The following INSYN2B variants were observed in gnomAD, a reference collection of about 807,000 sequenced individuals.
The protein encoded by INSYN2B is protein INSYN2B.
Under a neutral mutation model 41.2 loss-of-function variants are expected in INSYN2B, and 16 were observed. The ratio of observed to expected loss-of-function variants is 0.39; its 90% CI spans 0.26 to 0.59. The LOEUF is 0.59. Ranked by LOEUF, INSYN2B falls within the 20% of genes least tolerant of loss-of-function variation. The pLI, the probability that INSYN2B is intolerant of heterozygous loss-of-function variation, is 0.57. For missense variants in INSYN2B, 608 were observed against 646.4 expected (o/e 0.94, Z 0.64); for synonymous variants, 245 against 244.4 (o/e 1.00, Z -0.02).
At chr5:169,875,243 C>T (rs758819877) in intron 3 of INSYN2B, 1 of 456,686 alleles carries the variant, frequency 2.2e-6, no homozygotes, top group Non-Finnish European at 4.4e-6. Context: ...GCTGCAACTG[C>T]GGATTCCCAT....
chr5:169,874,737 T>G (rs1006730029), intron 3 of INSYN2B, among the ~76,000 whole-genome samples: 2 of 152,150 alleles, frequency 1.3e-5, no homozygotes, highest in Admixed American at 6.5e-5. Context: ...TCAGCCTGGA[T>G]TGCCAATCAG....
chr5:169,976,846 T>C (rs528665081), intron 1 of INSYN2B, among the ~76,000 whole-genome samples: 7 of 152,212 alleles, frequency 4.6e-5, no homozygotes, highest in Non-Finnish European at 1.0e-4. Flanking sequence ...AGATGGAACA[T>C]GTCAGGGCAC....
chr5:169,910,981 A>G (rs929154934), intron 1 of INSYN2B, among the ~76,000 whole-genome samples: 1 of 152,142 alleles, frequency 6.6e-6, no homozygotes, highest in Non-Finnish European at 1.5e-5. Flanking sequence ...AGTGAGAATA[A>G]TAAGTGAAAC....
intron 1 of INSYN2B, among the ~76,000 whole-genome samples, chr5:169,906,557 C>T (rs1258156337): frequency 6.6e-6 from 1 of 152,094 alleles, no homozygotes; most frequent in Non-Finnish European, 1.5e-5. Context: ...GTCTTAAGTT[C>T]CTGGGTTCAA....
chr5:169,937,389 G>C (rs1776042555), intron 1 of INSYN2B, among the ~76,000 whole-genome samples: 1 of 152,154 alleles, frequency 6.6e-6, no homozygotes, highest in East Asian at 1.9e-4. Context: ...CACATCCCTG[G>C]CCTATGATTT....
At chr5:169,972,020 C>T (rs1777524861) in intron 1 of INSYN2B, among the ~76,000 whole-genome samples, 1 of 152,266 alleles carries the variant, frequency 6.6e-6, no homozygotes, top group Admixed American at 6.5e-5. Flanking sequence ...TCCTGCTGAG[C>T]TAGGACTTGG....
At chr5:169,942,462 T>C (rs1375915348) in intron 1 of INSYN2B, among the ~76,000 whole-genome samples, 2 of 152,210 alleles carry the variant, frequency 1.3e-5, no homozygotes, top group African/African-American at 4.8e-5. Context: ...GCCACACAGA[T>C]GTTCAAGTGG....
intron 1 of INSYN2B, among the ~76,000 whole-genome samples, chr5:169,970,995 C>T (rs1416387429): frequency 2.0e-5 from 3 of 151,514 alleles, no homozygotes; most frequent in African/African-American, 4.8e-5. Flanking sequence ...GGTGGGGCAG[C>T]GGGGGGAGGA....
chr5:169,970,189 G>C (rs1361606439), intron 1 of INSYN2B, among the ~76,000 whole-genome samples: 1 of 152,184 alleles, frequency 6.6e-6, no homozygotes, highest in Non-Finnish European at 1.5e-5. Flanking sequence ...AACCAGATTT[G>C]GATGCCGTGC....
intron 3 of INSYN2B, among the ~76,000 whole-genome samples, chr5:169,876,588 A>G (rs191084756): frequency 5.2e-4 from 79 of 152,338 alleles, no homozygotes; most frequent in Non-Finnish European, 1.1e-3. Flanking sequence ...AAGTGCAGCA[A>G]GCTCTCTGAG....
chr5:169,967,689 T>G (rs1777353119), intron 1 of INSYN2B, among the ~76,000 whole-genome samples: 1 of 152,076 alleles, frequency 6.6e-6, no homozygotes, highest in African/African-American at 2.4e-5. Context: ...GAGAATTGAT[T>G]AGAGGGGCCA....
intron 1 of INSYN2B, among the ~76,000 whole-genome samples, chr5:169,943,211 T>C (rs1356699964): frequency 1.3e-5 from 2 of 152,162 alleles, no homozygotes; most frequent in Admixed American, 6.5e-5. Context: ...CTTCAGGAAT[T>C]TGAATTGGAT....
chr5:169,883,297 G>T lies in INSYN2B; in HGVS notation c.602C>A (p.Ala201Asp), dbSNP rs1772775835. ...TWRSLEKATA[A>D]IQVPDDIYHS... ...ATAAATATCATCTGGAACCTGAATG[G>T]CAGCTGTGGCTTTCTCTAAGGACCT... The change falls in exon 2 of 4, where the codon GCC becomes GAC. Residue 201 changes from alanine to aspartate, a missense_variant. Physicochemically the swap from Ala to Asp is moderately radical, Grantham distance 126. Coordinates refer to ENST00000377365, the MANE Select transcript of INSYN2B (RefSeq NM_001129891.3). 1 of 1,551,602 alleles carries T rather than the reference G, an allele frequency of 6.4e-7. No homozygotes were observed. Among genetic ancestry groups the T allele is most frequent in the African/African-American group, 1.4e-5 (1 of 73,160 alleles).
chr5:169,896,004 G>A (rs1447657350), intron 1 of INSYN2B, among the ~76,000 whole-genome samples: 1 of 152,158 alleles, frequency 6.6e-6, no homozygotes, highest in Non-Finnish European at 1.5e-5. Flanking sequence ...ATGATCTCAA[G>A]CCTGGCCTTG....
intron 1 of INSYN2B, among the ~76,000 whole-genome samples, chr5:169,976,315 T>C (rs1028784732): frequency 2.0e-5 from 3 of 152,202 alleles, no homozygotes; most frequent in African/African-American, 7.2e-5. Flanking sequence ...TGTCACCATA[T>C]ACTAAAAGTC....
intron 1 of INSYN2B, among the ~76,000 whole-genome samples, chr5:169,930,036 G>C (rs1475989899): frequency 6.6e-6 from 1 of 152,112 alleles, no homozygotes; most frequent in South Asian, 2.1e-4. Flanking sequence ...CTGTCACCAG[G>C]CTGGAGTGCA....
At chr5:169,946,574 CA>C (rs1776459351) in intron 1 of INSYN2B, among the ~76,000 whole-genome samples, 2 of 152,204 alleles carry the variant, frequency 1.3e-5, no homozygotes, top group South Asian at 4.1e-4. Flanking sequence ...TTCATTCATT[CA>C]TTCATTCATT....
rs191484463 is a variant in INSYN2B, at chr5:169,897,707, G to A, written c.-918-12891C>T. On this transcript the variant is annotated intron_variant, in intron 1 of 3. Coordinates refer to ENST00000377365, the MANE Select transcript of INSYN2B (RefSeq NM_001129891.3). Reference sequence around the variant, plus strand: ...AAGTAATGCAACTCTGCCTTGTGACGGGGTGAGCTCCCTGTCCATGCAAGC... The same window carrying A: ...AAGTAATGCAACTCTGCCTTGTGACAGGGTGAGCTCCCTGTCCATGCAAGC... Among the ~76,000 whole-genome samples the A allele has an allele frequency of 8.1e-4, 123 of 152,260 alleles. 2 individuals carry two copies. The highest frequency in any genetic ancestry group is 1.3e-4 in the Non-Finnish European group (9 of 68,004).
intron 1 of INSYN2B, among the ~76,000 whole-genome samples, chr5:169,903,866 G>A (rs923348656): frequency 6.6e-6 from 1 of 151,934 alleles, no homozygotes; most frequent in African/African-American, 2.4e-5. Context: ...TTGGGAGGCC[G>A]AGGCAGGTGA....
Sources: allele counts gnomAD v4.1 joint callset (sites outside exome capture counted in the v4.1 genomes callset), GRCh38; gene constraint gnomAD v4.1.1; transcripts MANE v1.5; gene names NCBI Gene and HGNC (gene_info 2026-07-23, HGNC 2026-07-21).